Variants in SLC14A1 observed in about 807,000 individuals in gnomAD.
SLC14A1 encodes the protein urea transporter 1.
Under a neutral mutation model 39.6 loss-of-function variants are expected in SLC14A1, and 36 were observed. The observed-to-expected ratio is 0.91, with a 90% CI of 0.70 to 1.20. SLC14A1 has a LOEUF of 1.20. Among genes scored for constraint, SLC14A1 ranks in the 50% most tolerant of loss-of-function variants. The pLI, the probability that SLC14A1 is intolerant of heterozygous loss-of-function variation, is 0.00. For missense variants in SLC14A1, 469 were observed against 478.7 expected (o/e 0.98, Z 0.19); for synonymous variants, 164 against 173.6 (o/e 0.94, Z 0.43).
At position 45,730,999 on chromosome 18, in the gene SLC14A1, A is replaced by T; in HGVS notation, c.152-16A>T. The T allele has an allele frequency of 6.2e-7, 1 of 1,613,512 alleles. No individual in the cohort carries two copies. Among genetic ancestry groups the T allele is most frequent in the Non-Finnish European group, 8.5e-7 (1 of 1,179,516 alleles). Reference sequence around the variant, plus strand: ...TTGGCAGCTTCCTTAGCTCTGCTTTACCTCATCCCTTCCAGACAAACCCGT... The same window carrying T: ...TTGGCAGCTTCCTTAGCTCTGCTTTTCCTCATCCCTTCCAGACAAACCCGT... On this transcript the variant is annotated splice_polypyrimidine_tract_variant and intron_variant, in intron 3 of 9. Coordinates refer to ENST00000321925, the MANE Select transcript of SLC14A1 (RefSeq NM_015865.7).
chr18:45,734,077 ATATTTT>A, intron 4 of SLC14A1, 191 bp from the exon 5 acceptor site: 1 of 644,498 alleles, frequency 1.6e-6, no homozygotes, highest in Admixed American at 2.7e-5. Flanking sequence ...ATGCACATTT[ATATTTT>A]TATCTATGTA....
intron 8 of SLC14A1, among the ~76,000 whole-genome samples, chr18:45,746,748 T>C (rs1316433691): frequency 6.6e-6 from 1 of 152,214 alleles, no homozygotes; most frequent in African/African-American, 2.4e-5. Context: ...AGTCCCATGG[T>C]GAAAGAGATG....
chr18:45,743,430 CA>C (rs1158202445), intron 8 of SLC14A1, among the ~76,000 whole-genome samples: 4 of 151,874 alleles, frequency 2.6e-5, no homozygotes, highest in African/African-American at 9.7e-5. Context: ...ACTGGTGTAG[CA>C]TAATGGTTGA....
In SLC14A1 at chr18:45,750,765, C is replaced by G. The variant is rs1297421562; in HGVS notation, c.*814C>G. 1 of 985,054 alleles carries G rather than the reference C, an allele frequency of 1.0e-6. No individual in the cohort carries two copies. The highest frequency in any genetic ancestry group is 1.2e-6 in the Non-Finnish European group (1 of 829,610). 61.0% of individuals were successfully genotyped at this position (985,054 alleles called of 1,614,324 possible). ...TTACATATTAAAGAAAAGTTACTTA[C>G]TGTATTTATGAAATACTCAGCTTAG... On this transcript the variant is annotated 3_prime_UTR_variant, in exon 10 of 10. Transcript: ENST00000321925.
At chr18:45,729,247 G>A (rs2037079623) in intron 2 of SLC14A1, 1 of 152,174 alleles carries the variant, frequency 6.6e-6, no homozygotes, top group Admixed American at 6.5e-5. Context: ...CAATTGACCT[G>A]GCTGTGCTGT....
chr18:45,738,543 C>A (rs748398370), intron 6 of SLC14A1, among the ~76,000 whole-genome samples: 2 of 152,168 alleles, frequency 1.3e-5, no homozygotes, highest in Non-Finnish European at 2.9e-5. Flanking sequence ...TTGTTCATAA[C>A]TAGAATAAGC....
intron 6 of SLC14A1, among the ~76,000 whole-genome samples, chr18:45,738,489 A>G (rs1363668838): frequency 6.6e-6 from 1 of 152,254 alleles, no homozygotes; most frequent in Non-Finnish European, 1.5e-5. Flanking sequence ...AAGTAGAATT[A>G]TGACATTTCC....
In SLC14A1 at chr18:45,747,403, C is replaced by T. The variant is rs547555476; in HGVS notation, c.947-973C>T. 2.5e-4 allele frequency among the ~76,000 whole-genome samples: 38 copies of T among 152,202 alleles called. 1 individual carries two copies. The highest frequency in any genetic ancestry group is 2.2e-3 in the Admixed American group (33 of 15,290). On this transcript the variant is annotated intron_variant, in intron 8 of 9. Coordinates refer to ENST00000321925, the MANE Select transcript of SLC14A1 (RefSeq NM_015865.7). Reference sequence around the variant, plus strand: ...ACTCAAAGCAAATAAAAACATAAGACGTTGGCTGGGCGCGGTGGCTCATGC... The same window carrying T: ...ACTCAAAGCAAATAAAAACATAAGATGTTGGCTGGGCGCGGTGGCTCATGC...
At chr18:45,748,787 C>T (rs73953678) in intron 9 of SLC14A1, among the ~76,000 whole-genome samples, 2,726 of 152,286 alleles carry the variant, frequency 0.018, 81 homozygotes, top group African/African-American at 0.062. Flanking sequence ...GATGCAGGGC[C>T]GGTTTCTGAT....
chr18:45,736,990 T>C (rs2047217504), intron 6 of SLC14A1, among the ~76,000 whole-genome samples: 1 of 152,198 alleles, frequency 6.6e-6, no homozygotes. Context: ...AGCCTGGTTT[T>C]AAATCTTCCA....
intron 6 of SLC14A1, chr18:45,737,379 T>C (rs1004545545): frequency 6.6e-6 from 1 of 152,524 alleles, no homozygotes; most frequent in Non-Finnish European, 1.5e-5. Context: ...GCTCTTCCTG[T>C]TGGTGTGTAA....
intron 4 of SLC14A1, among the ~76,000 whole-genome samples, chr18:45,733,327 G>T (rs749493533): frequency 2.0e-5 from 3 of 152,182 alleles, no homozygotes; most frequent in Non-Finnish European, 4.4e-5. Flanking sequence ...TGCTCAACAT[G>T]CACATAATTA....
In SLC14A1 at chr18:45,740,767, G is replaced by A. The variant is rs2047351088; in HGVS notation, c.946+1105G>A. 2.0e-5 allele frequency among the ~76,000 whole-genome samples: 3 copies of A among 151,992 alleles called. No homozygotes were observed. In the South Asian group the frequency reaches 6.2e-4, roughly 32 times the overall value. On this transcript the variant is annotated intron_variant, in intron 8 of 9. Coordinates refer to ENST00000321925, the MANE Select transcript of SLC14A1 (RefSeq NM_015865.7). ...TACCCAGGCTGATCTTGAATTCCCG[G>A]GCTCAAGCAATCCTCCCGCCTCCAC...
chr18:45,732,893 C>A (rs183589192), intron 4 of SLC14A1, among the ~76,000 whole-genome samples: 1 of 152,306 alleles, frequency 6.6e-6, no homozygotes, highest in Non-Finnish European at 1.5e-5. Flanking sequence ...ATATGTGGTG[C>A]ATATACAACA....
At chr18:45,736,910 C>G (rs1385499203) in intron 6 of SLC14A1, among the ~76,000 whole-genome samples, 2 of 137,646 alleles carry the variant, frequency 1.5e-5, no homozygotes, top group African/African-American at 5.2e-5. Context: ...TACAGTTCCA[C>G]TGGGAGTCAC....
Position 45,750,899 on chromosome 18 carries a change from A to G in SLC14A1, c.*948A>G, listed in dbSNP as rs754773213. ...AATCATATTTTTTATTCATTTGAGG[A>G]TGTCTTATAAAGACTGAAGGCAAAG... On this transcript the variant is annotated 3_prime_UTR_variant, in exon 10 of 10. Coordinates refer to ENST00000321925, the MANE Select transcript of SLC14A1 (RefSeq NM_015865.7). The G allele has an allele frequency of 3.0e-6, 3 of 985,256 alleles. No homozygotes were observed. Among genetic ancestry groups the G allele is most frequent in the Non-Finnish European group, 3.6e-6 (3 of 829,780 alleles). The allele number at this position is 985,256 out of a possible 1,614,324, so 61.0% of individuals were successfully genotyped here. A position where few individuals can be genotyped will look rare whatever the true frequency, so the allele number is the denominator to read the frequency against.
chr18:45,739,628 C>T lies in SLC14A1; in HGVS notation c.912C>T (p.Leu304=), dbSNP rs2047299827. ...CAATGGGAGGAATGTTCATGGCGCTCACCTGGCAAACCCACCTCCTGGCTC... is the reference window on the plus strand; with the variant it reads ...CAATGGGAGGAATGTTCATGGCGCTTACCTGGCAAACCCACCTCCTGGCTC... ...CIAMGGMFMA[L]TWQTHLLALG... is the part of the protein sequence containing the mutation. The change falls in exon 8 of 10, where the codon CTC becomes CTT. Residue 304 remains leucine, a synonymous_variant. Coordinates refer to ENST00000321925, the MANE Select transcript of SLC14A1 (RefSeq NM_015865.7). 2 of 1,614,188 alleles carry T rather than the reference C, an allele frequency of 1.2e-6. No individual in the cohort carries two copies. Among genetic ancestry groups the T allele is most frequent in the Non-Finnish European group, 1.7e-6 (2 of 1,180,034 alleles).
intron 4 of SLC14A1, chr18:45,734,049 TG>T (rs2047109072): frequency 2.0e-6 from 1 of 501,852 alleles, no homozygotes; most frequent in Non-Finnish European, 3.5e-6. Flanking sequence ...CCAAAAAGGC[TG>T]GGGACCACTG....
chr18:45,735,643 A>G (rs1196739866), intron 5 of SLC14A1, among the ~76,000 whole-genome samples: 2 of 152,200 alleles, frequency 1.3e-5, no homozygotes, highest in East Asian at 1.9e-4. Flanking sequence ...CCCTTACTGT[A>G]CCCACGGGTG....
Sources: allele counts gnomAD v4.1 joint callset (sites outside exome capture counted in the v4.1 genomes callset), GRCh38; gene constraint gnomAD v4.1.1; transcripts MANE v1.5; gene names NCBI Gene and HGNC (gene_info 2026-07-23, HGNC 2026-07-21).